The following TDO2 variants were observed in gnomAD, a reference collection of about 807,000 sequenced individuals.
TDO2 encodes the protein tryptamin 2,3-dioxygenase.
In TDO2, 63 loss-of-function variants were observed where a neutral mutation model predicts 61.2. The observed-to-expected ratio is 1.03, with a 90% confidence interval of 0.84 to 1.27. The LOEUF is 1.27. Among genes scored for constraint, TDO2 ranks in the 50% most tolerant of loss-of-function variants. TDO2 has a pLI of 0.00. For missense variants in TDO2, 494 were observed against 469.5 expected (o/e 1.05, Z -0.48); for synonymous variants, 183 against 164.0 (o/e 1.12, Z -0.89).
intron 3 of TDO2, chr4:155,905,415 T>G: frequency 3.0e-6 from 1 of 335,880 alleles, no homozygotes; most frequent in Non-Finnish European, 5.3e-6. Flanking sequence ...ACTTTCTGCC[T>G]CTTGGAATTT....
At chr4:155,915,440 TA>T (rs1179641811) in intron 8 of TDO2, among the ~76,000 whole-genome samples, 20 of 152,196 alleles carry the variant, frequency 1.3e-4, no homozygotes, top group African/African-American at 4.1e-4. Flanking sequence ...TTGTGCTCAT[TA>T]AAAACAAGTT....
chr4:155,911,884 C>A (rs949035448), intron 7 of TDO2, among the ~76,000 whole-genome samples: 1 of 151,982 alleles, frequency 6.6e-6, no homozygotes, highest in Admixed American at 6.6e-5. Context: ...ATATTAGAAC[C>A]AATTTTAGAC....
chr4:155,911,697 T>C lies in TDO2; in HGVS notation c.726+93T>C, dbSNP rs570478697. 2.5e-4 allele frequency: 196 copies of C among 798,420 alleles called. No homozygotes were observed. The East Asian group carries it at 5.8e-3, about 24-fold the overall frequency. The allele number at this position is 798,420 out of a possible 1,614,324, so 49.5% of individuals were successfully genotyped here. ...TTTGCTTTTCTCTTAACCTTTTCTC[T>C]TTCTCATATTTTTTTCTTAGACAAA... On this transcript the variant is annotated intron_variant, in intron 7 of 11. Coordinates refer to ENST00000536354, the MANE Select transcript of TDO2 (RefSeq NM_005651.4).
At chr4:155,917,082 G>A (rs1409010008) in intron 9 of TDO2, among the ~76,000 whole-genome samples, 6 of 152,094 alleles carry the variant, frequency 3.9e-5, no homozygotes, top group South Asian at 4.2e-4. Context: ...GATTATTTTC[G>A]GCTGGGAAAT....
At chr4:155,907,550 A>G (rs1021274508) in intron 3 of TDO2, 172 bp from the exon 4 acceptor site, 20 of 557,934 alleles carry the variant, frequency 3.6e-5, no homozygotes, top group African/African-American at 1.5e-4. Context: ...GGAGGCTATT[A>G]CAACTTTAAC....
intron 9 of TDO2, 38 bp from the exon 10 acceptor site, chr4:155,917,357 T>C: frequency 6.5e-7 from 1 of 1,547,040 alleles, no homozygotes; most frequent in Non-Finnish European, 8.8e-7. Context: ...CTCGATTTAC[T>C]TGAATATATT....
chr4:155,912,367 A>G (rs1742850652), intron 7 of TDO2, among the ~76,000 whole-genome samples: 1 of 152,166 alleles, frequency 6.6e-6, no homozygotes, highest in Non-Finnish European at 1.5e-5. Flanking sequence ...CTCTCAGCTA[A>G]TCCTGAGCTT....
At chr4:155,919,090 G>A (rs1579333072) in intron 11 of TDO2, among the ~76,000 whole-genome samples, 2 of 152,116 alleles carry the variant, frequency 1.3e-5, no homozygotes, top group Non-Finnish European at 2.9e-5. Context: ...ATCAGTGGGT[G>A]GTGGGAATAA....
intron 9 of TDO2, among the ~76,000 whole-genome samples, chr4:155,916,260 CG>C (rs1560778973): frequency 2.1e-5 from 3 of 144,688 alleles, no homozygotes; most frequent in African/African-American, 5.1e-5. Context: ...CTCCGCCTCC[CG>C]GGTTCACGCC....
At chr4:155,911,929 CTATT>C (rs1438197421) in intron 7 of TDO2, among the ~76,000 whole-genome samples, 1 of 152,144 alleles carries the variant, frequency 6.6e-6, no homozygotes, top group Non-Finnish European at 1.5e-5. Context: ...CGAACCAAAT[CTATT>C]TAGCCCTGTA....
intron 7 of TDO2, among the ~76,000 whole-genome samples, chr4:155,913,072 T>C (rs72681574): frequency 0.061 from 9,231 of 152,156 alleles, 393 homozygotes; most frequent in South Asian, 0.15. Flanking sequence ...ACCACTCAAG[T>C]GCAACCCTCC....
chr4:155,914,526 A>G, intron 8 of TDO2, 92 bp downstream of exon 8: 5 of 849,224 alleles, frequency 5.9e-6, no homozygotes, highest in Non-Finnish European at 8.5e-6. Flanking sequence ...CTTACTTGGG[A>G]GAAATAGAAT....
At chr4:155,916,501 C>A (rs568997899) in intron 9 of TDO2, among the ~76,000 whole-genome samples, 1 of 149,628 alleles carries the variant, frequency 6.7e-6, no homozygotes, top group East Asian at 2.0e-4. Context: ...TTTACTCTCT[C>A]AGAGACTCAC....
chr4:155,911,120 T>A (rs1742821251), intron 6 of TDO2, among the ~76,000 whole-genome samples: 1 of 152,014 alleles, frequency 6.6e-6, no homozygotes, highest in Non-Finnish European at 1.5e-5. Context: ...TGACATAAAG[T>A]AACTTGAGAA....
Position 155,920,099 on chromosome 4 carries a change from C to T in TDO2, c.*109C>T. ...ATATGTATGCATATATTGTTCAGCA[C>T]CACGATGCTCTGATTTAATTCTAGA... On this transcript the variant is annotated 3_prime_UTR_variant, in exon 12 of 12. Transcript: ENST00000536354. 1.0e-6 allele frequency: 1 copy of T among 964,762 alleles called. No individual in the cohort carries two copies. 59.8% of individuals were successfully genotyped at this position (964,762 alleles called of 1,614,324 possible). A position where few individuals can be genotyped will look rare whatever the true frequency, so the allele number is the denominator to read the frequency against.
intron 9 of TDO2, 71 bp downstream of exon 9, chr4:155,915,983 G>A: frequency 7.7e-7 from 1 of 1,301,392 alleles, no homozygotes; most frequent in East Asian, 2.5e-5. Flanking sequence ...CCAGTATAAA[G>A]CCTAAAAATT....
intron 9 of TDO2, among the ~76,000 whole-genome samples, chr4:155,916,411 G>A (rs1742937827): frequency 3.4e-4 from 1 of 2,982 alleles, no homozygotes; most frequent in Non-Finnish European, 3.0e-3. Context: ...CTCGTGATCG[G>A]CCCGCCTCGG....
At chr4:155,912,384 A>C (rs1345006286) in intron 7 of TDO2, among the ~76,000 whole-genome samples, 1 of 152,162 alleles carries the variant, frequency 6.6e-6, no homozygotes, top group Non-Finnish European at 1.5e-5. Flanking sequence ...GCTTACTTCA[A>C]GCTGTCTTCC....
At chr4:155,918,417 A>C (rs1742984183) in intron 11 of TDO2, among the ~76,000 whole-genome samples, 178 bp downstream of exon 11, 1 of 152,226 alleles carries the variant, frequency 6.6e-6, no homozygotes, top group Non-Finnish European at 1.5e-5. Flanking sequence ...TAAAATCTTT[A>C]ATTATGAACT....
Sources: gnomAD v4.1 joint callset for allele counts (sites outside exome capture counted in the v4.1 genomes callset) on GRCh38, gnomAD v4.1.1 for gene constraint, MANE v1.5 for transcripts, NCBI Gene and HGNC (gene_info 2026-07-23, HGNC 2026-07-21) for gene names.